DCC: variants seen among roughly 807,000 people sequenced by gnomAD.
DCC encodes netrin receptor DCC.
A neutral mutation model predicts 172.5 loss-of-function variants in DCC; 58 were observed. The ratio of observed to expected loss-of-function variants is 0.34; its 90% CI spans 0.27 to 0.42. The LOEUF (loss-of-function observed/expected upper bound fraction) is 0.42, where lower values mean the gene tolerates loss of function less well. Among genes scored for constraint, DCC ranks in the 10% least tolerant of loss-of-function variants. The pLI is 1.00. For synonymous variants in DCC, 709 were observed against 644.5 expected, an observed-to-expected ratio of 1.10 and a Z score of -1.52; for missense variants, 1,740 against 1,791.0, an observed-to-expected ratio of 0.97 and a Z score of 0.51.
chr18:53,112,202 C>G (rs568469592), intron 7 of DCC, among the ~76,000 whole-genome samples: 2 of 151,244 alleles, frequency 1.3e-5, no homozygotes, highest in Non-Finnish European at 3.0e-5. Context: ...ATAAAAACAC[C>G]GCTAACATTG....
intron 5 of DCC, among the ~76,000 whole-genome samples, chr18:52,983,251 G>A (rs747363616): frequency 1.3e-5 from 2 of 152,130 alleles, no homozygotes; most frequent in Non-Finnish European, 2.9e-5. Context: ...GAGTTAACCA[G>A]GAAAAGGGGC....
At chr18:53,405,665 C>T (rs1346323447) in intron 19 of DCC, among the ~76,000 whole-genome samples, 1 of 152,138 alleles carries the variant, frequency 6.6e-6, no homozygotes, top group Non-Finnish European at 1.5e-5. Flanking sequence ...ATTCTCTGAT[C>T]ATAAACTGGA....
intron 1 of DCC, among the ~76,000 whole-genome samples, chr18:52,576,495 A>C (rs1368271848): frequency 6.6e-6 from 1 of 152,170 alleles, no homozygotes; most frequent in South Asian, 2.1e-4. Flanking sequence ...TGCTTCCTCC[A>C]ACCTCATGTT....
intron 2 of DCC, among the ~76,000 whole-genome samples, chr18:52,802,439 C>T (rs1054739866): frequency 6.7e-6 from 1 of 150,128 alleles, no homozygotes; most frequent in Non-Finnish European, 1.5e-5. Flanking sequence ...TGCCAACCCC[C>T]ACACAATCAA....
At position 53,382,069 on chromosome 18, in the gene DCC, AACACAC is replaced by A. The variant is rs61553123; in HGVS notation, c.2360-3943_2360-3938del. 5.5e-3 allele frequency among the ~76,000 whole-genome samples: 676 copies of A among 122,942 alleles called. 9 individuals carry two copies. Among genetic ancestry groups the A allele is most frequent in the Middle Eastern group, 0.012 (3 of 246 alleles). 80.7% of individuals were successfully genotyped at this position (122,942 alleles called of 152,430 possible). ...TTTCTCTCTCTCTCTGATTAAAAACAACACACACACACACACACACACACACACACA... is the reference window on the plus strand; with the variant it reads ...TTTCTCTCTCTCTCTGATTAAAAACAACACACACACACACACACACACACA... On this transcript the variant is annotated intron_variant, in intron 15 of 28. Coordinates refer to ENST00000442544, the MANE Select transcript of DCC (RefSeq NM_005215.4).
intron 1 of DCC, among the ~76,000 whole-genome samples, chr18:52,546,862 A>T (rs1189772047): frequency 1.3e-5 from 2 of 152,134 alleles, no homozygotes; most frequent in Non-Finnish European, 2.9e-5. Context: ...GCTTGGGGAA[A>T]GAAAGCCAAA....
intron 2 of DCC, among the ~76,000 whole-genome samples, chr18:52,808,875 T>G (rs1212787795): frequency 6.6e-6 from 1 of 152,220 alleles, no homozygotes; most frequent in African/African-American, 2.4e-5. Context: ...CCTATGAGAT[T>G]TTAGAGCTTC....
intron 1 of DCC, among the ~76,000 whole-genome samples, chr18:52,598,926 A>G (rs753207094): frequency 6.6e-6 from 1 of 152,182 alleles, no homozygotes; most frequent in Non-Finnish European, 1.5e-5. Context: ...CAGAAGGGCA[A>G]GAGAAACAAA....
chr18:53,202,101 C>T lies in DCC; in HGVS notation c.1574-3115C>T, dbSNP rs1349157010. 5.3e-5 allele frequency among the ~76,000 whole-genome samples: 8 copies of T among 152,170 alleles called. 1 individual carries two copies. The highest frequency in any genetic ancestry group is 1.9e-4 in the African/African-American group (8 of 41,432). On this transcript the variant is annotated intron_variant, in intron 9 of 28. Transcript: ENST00000442544. The stretch of plus-strand genomic sequence containing the variant: ...CACCAAAAAGACCTAGAAGCAAATG[C>T]ACTCAAGTAGCAACTTATACACCTA...
At chr18:52,413,411 ATAGT>A (rs1338642587) in intron 1 of DCC, among the ~76,000 whole-genome samples, 5 of 151,178 alleles carry the variant, frequency 3.3e-5, no homozygotes, top group Non-Finnish European at 7.4e-5. Context: ...CATGTTTCAT[ATAGT>A]TACTTTTGCA....
intron 9 of DCC, among the ~76,000 whole-genome samples, chr18:53,189,171 G>GTA (rs1319468677): frequency 2.6e-5 from 4 of 151,986 alleles, no homozygotes; most frequent in African/African-American, 7.3e-5. Context: ...TTATGTGCAT[G>GTA]TATATATATG....
chr18:52,927,026 C>G lies in DCC; in HGVS notation c.985+1656C>G, dbSNP rs2040217987. 1.8e-5 allele frequency among the ~76,000 whole-genome samples: 2 copies of G among 112,266 alleles called. 1 individual carries two copies. The highest frequency in any genetic ancestry group is 4.1e-5 in the Non-Finnish European group (2 of 48,334). 73.7% of individuals were successfully genotyped at this position (112,266 alleles called of 152,430 possible). A position where few individuals can be genotyped will look rare whatever the true frequency, so the allele number is the denominator to read the frequency against. On this transcript the variant is annotated intron_variant, in intron 5 of 28. Coordinates refer to ENST00000442544, the MANE Select transcript of DCC (RefSeq NM_005215.4). ...TTACACAATTCACAAAGAAAAAATG[C>G]CAGTATGAGTATGCCAATACATATA... is the stretch of plus-strand genomic sequence containing the variant.
chr18:53,369,657 T>C (rs544620397), intron 15 of DCC, among the ~76,000 whole-genome samples: 68 of 152,020 alleles, frequency 4.5e-4, no homozygotes, highest in Non-Finnish European at 1.0e-4. Context: ...CTTTGATTCC[T>C]AGTTTGTTGA....
In DCC at chr18:53,391,830, G is replaced by A. The variant is rs201056341; in HGVS notation, c.2631G>A (p.Glu877=). 1.9e-4 allele frequency: 314 copies of A among 1,613,972 alleles called. 1 individual carries two copies. Among genetic ancestry groups the A allele is most frequent in the Non-Finnish European group, 2.2e-4 (264 of 1,179,868 alleles). ...NSVPKNQKTS[E]VRLYTVRWRT... is the part of the protein sequence containing the mutation. ...TCCCTAAGAACCAAAAGACGTCTGA[G>A]GTGCGACTTTACACCGTCCGGTGGA... The change falls in exon 17 of 29, where the codon GAG becomes GAA. Residue 877 remains glutamate (E), a synonymous_variant. Transcript: ENST00000442544.
At chr18:53,252,367 CTG>C (rs1464143045) in intron 12 of DCC, among the ~76,000 whole-genome samples, 1 of 151,684 alleles carries the variant, frequency 6.6e-6, no homozygotes, top group African/African-American at 2.4e-5. Context: ...CAAAGAAAGA[CTG>C]AGACTTAATC....
intron 27 of DCC, among the ~76,000 whole-genome samples, chr18:53,521,304 A>G (rs748393444): frequency 1.2e-4 from 18 of 152,150 alleles, no homozygotes; most frequent in Non-Finnish European, 2.5e-4. Flanking sequence ...TGAACTTTCT[A>G]ATGAGTTTGA....
intron 1 of DCC, among the ~76,000 whole-genome samples, chr18:52,563,391 C>A (rs2033084136): frequency 6.6e-6 from 1 of 152,096 alleles, no homozygotes. Flanking sequence ...ACACCAGAGA[C>A]AATTTGCCAA....
intron 2 of DCC, among the ~76,000 whole-genome samples, chr18:52,811,692 GAA>G (rs1157849336): frequency 3.3e-5 from 5 of 152,070 alleles, no homozygotes; most frequent in East Asian, 1.9e-4. Context: ...TAAATTATAA[GAA>G]GAGATCATGC....
At chr18:52,645,746 G>A (rs1332939106) in intron 1 of DCC, among the ~76,000 whole-genome samples, 1 of 152,176 alleles carries the variant, frequency 6.6e-6, no homozygotes, top group Non-Finnish European at 1.5e-5. Flanking sequence ...GTAGCAGAGA[G>A]TTTGGTGAGT....
Sources: allele counts gnomAD v4.1 joint callset (sites outside exome capture counted in the v4.1 genomes callset), GRCh38; gene constraint gnomAD v4.1.1; transcripts MANE v1.5; gene names NCBI Gene and HGNC (gene_info 2026-07-23, HGNC 2026-07-21).